The following XDH variants were observed in gnomAD, a reference collection of about 807,000 sequenced individuals.
XDH encodes the protein xanthine dehydrogenase/oxidase.
A neutral mutation model predicts 156.1 loss-of-function variants in XDH; 138 were observed. That is an observed-to-expected ratio of 0.88 (90% CI 0.77 to 1.02). The LOEUF (loss-of-function observed/expected upper bound fraction) is 1.02, where lower values mean the gene tolerates loss of function less well. Ranked by LOEUF, XDH falls within the 50% of genes least tolerant of loss-of-function variation. The pLI is 0.00. For missense variants in XDH, 1,849 were observed against 1,684.9 expected (o/e 1.10, Z -1.71); for synonymous variants, 669 against 625.7 (o/e 1.07, Z -1.03).
chr2:31,413,442 C>T (rs1687393971), intron 1 of XDH, among the ~76,000 whole-genome samples: 1 of 152,116 alleles, frequency 6.6e-6, no homozygotes, highest in African/African-American at 2.4e-5. Context: ...CATGGCTGTC[C>T]CCATTCCCCA....
intron 12 of XDH, among the ~76,000 whole-genome samples, chr2:31,380,898 T>C (rs1686419790): frequency 1.3e-5 from 2 of 152,246 alleles, no homozygotes; most frequent in African/African-American, 4.8e-5. Context: ...GGAGCACTGA[T>C]AACAGCAAAA....
At chr2:31,357,384 A>T (rs4951980) in intron 24 of XDH, among the ~76,000 whole-genome samples, 91,018 of 152,014 alleles carry the variant, frequency 0.6, 28,785 homozygotes, top group East Asian at 0.77. Flanking sequence ...CAAATTACCA[A>T]ATCAGGATTG....
chr2:31,391,607 T>C lies in XDH; in HGVS notation c.496-3312A>G, dbSNP rs75413222. ...TGGGAACAACTGACATCTTGACATATTCAGTCTCCTTATTCATGAAAAAGA... is the reference window on the plus strand; with the variant it reads ...TGGGAACAACTGACATCTTGACATACTCAGTCTCCTTATTCATGAAAAAGA... On this transcript the variant is annotated intron_variant, in intron 6 of 35. Transcript: ENST00000379416. Among the ~76,000 whole-genome samples, 430 of 152,334 alleles carry C rather than the reference T, an allele frequency of 2.8e-3. 2 individuals carry two copies. The highest frequency in any genetic ancestry group is 9.7e-3 in the African/African-American group (404 of 41,578).
chr2:31,340,179 C>T (rs1011788498), intron 33 of XDH, among the ~76,000 whole-genome samples: 2 of 152,198 alleles, frequency 1.3e-5, no homozygotes. Flanking sequence ...CTCTCTCAGC[C>T]CCCTGCTCAG....
chr2:31,366,229 G>T, intron 21 of XDH, 120 bp from the exon 22 acceptor site: 2 of 1,559,248 alleles, frequency 1.3e-6, no homozygotes, highest in Non-Finnish European at 1.8e-6. Flanking sequence ...GAAATTCCTT[G>T]ATTGAAAATC....
rs867856355 is a variant in XDH at position 31,378,853 on chromosome 2, T to C, written c.1242+1014A>G. On this transcript the variant is annotated intron_variant, in intron 13 of 35. Coordinates refer to ENST00000379416, the MANE Select transcript of XDH (RefSeq NM_000379.4). The stretch of plus-strand genomic sequence containing the variant: ...CCTCCCCACTTTCATCACTCATAAT[T>C]AAAAAAAAAAAGTTTACTGAACTGT... Among the ~76,000 whole-genome samples the C allele has an allele frequency of 2.1e-3, 309 of 148,564 alleles. 2 individuals carry two copies. The highest frequency in any genetic ancestry group is 7.2e-3 in the African/African-American group (292 of 40,694).
At chr2:31,350,246 G>T (rs374427141) in intron 24 of XDH, 23 bp from the exon 25 acceptor site, 1,034 of 1,613,764 alleles carry the variant, frequency 6.4e-4, no homozygotes, top group Non-Finnish European at 7.9e-4. Context: ...AAACAAAAAT[G>T]GGAGAGAACA....
At chr2:31,358,965 C>A (rs1685702675) in intron 24 of XDH, among the ~76,000 whole-genome samples, 2 of 152,064 alleles carry the variant, frequency 1.3e-5, no homozygotes, top group South Asian at 2.1e-4. Flanking sequence ...AAGAAAAAAA[C>A]CATCCCTATT....
chr2:31,370,857 G>T (rs889767885), intron 17 of XDH, among the ~76,000 whole-genome samples: 2 of 152,154 alleles, frequency 1.3e-5, no homozygotes, highest in African/African-American at 4.8e-5. Flanking sequence ...ATAAAGTGAA[G>T]AAGGCAGGCC....
intron 21 of XDH, 147 bp downstream of exon 21, chr2:31,366,721 GAA>G: frequency 1.6e-6 from 2 of 1,269,434 alleles, no homozygotes; most frequent in East Asian, 2.3e-5. Context: ...GCTTGTTGGT[GAA>G]AGAGTCTGGC....
At chr2:31,337,607 C>A in intron 35 of XDH, 34 bp downstream of exon 35, 1 of 1,613,166 alleles carries the variant, frequency 6.2e-7, no homozygotes, top group Non-Finnish European at 8.5e-7. Flanking sequence ...CCTGGCCTCC[C>A]CTGGACTGAG....
At chr2:31,364,754 A>G (rs539575531) in intron 23 of XDH, among the ~76,000 whole-genome samples, 1 of 152,216 alleles carries the variant, frequency 6.6e-6, no homozygotes, top group African/African-American at 2.4e-5. Context: ...CCAGAAGATC[A>G]AGGAATCCTC....
At chr2:31,404,454 C>G (rs1367721482) in intron 2 of XDH, among the ~76,000 whole-genome samples, 1 of 152,150 alleles carries the variant, frequency 6.6e-6, no homozygotes, top group Non-Finnish European at 1.5e-5. Flanking sequence ...TGACTCTCAG[C>G]ACAGATAGCC....
intron 30 of XDH, among the ~76,000 whole-genome samples, chr2:31,344,965 G>A (rs930192393): frequency 2.6e-5 from 4 of 152,116 alleles, no homozygotes; most frequent in African/African-American, 9.7e-5. Context: ...TTCCTCCCTT[G>A]AGTTGTCTCC....
chr2:31,370,910 G>C (rs534438619), intron 17 of XDH, among the ~76,000 whole-genome samples: 8 of 152,192 alleles, frequency 5.3e-5, no homozygotes, highest in Non-Finnish European at 1.2e-4. Context: ...TGGTCTCCAA[G>C]TACAAGCAAG....
At chr2:31,348,854 G>T (rs758444907) in intron 27 of XDH, 45 bp downstream of exon 27, 4 of 1,547,484 alleles carry the variant, frequency 2.6e-6, no homozygotes, top group Non-Finnish European at 3.6e-6. Flanking sequence ...AGGGAAATGG[G>T]GTCCCAGTCC....
At chr2:31,414,558 C>A in intron 1 of XDH, 67 bp downstream of exon 1, 1 of 1,600,042 alleles carries the variant, frequency 6.2e-7, no homozygotes, top group Admixed American at 1.7e-5. Flanking sequence ...AGATATGGCT[C>A]TGCCAGAGGA....
intron 29 of XDH, 108 bp from the exon 30 acceptor site, chr2:31,346,951 A>T (rs1685313104): frequency 6.9e-7 from 1 of 1,452,536 alleles, no homozygotes. Context: ...TGCTGTACCC[A>T]GGGTGCCACT....
intron 12 of XDH, 112 bp from the exon 13 acceptor site, chr2:31,380,088 C>G (rs1686396509): frequency 9.8e-7 from 1 of 1,022,262 alleles, no homozygotes; most frequent in South Asian, 1.3e-5. Context: ...CCAATGCCCA[C>G]AGTCAGAGCA....
Sources: allele counts gnomAD v4.1 joint callset (sites outside exome capture counted in the v4.1 genomes callset), GRCh38; gene constraint gnomAD v4.1.1; transcripts MANE v1.5; gene names NCBI Gene and HGNC (gene_info 2026-07-23, HGNC 2026-07-21).